The following LEO1 variants were observed in gnomAD, a reference collection of about 807,000 sequenced individuals.
LEO1 encodes the protein LEO1 component of Paf1/RNA polymerase II complex, also known as RNA polymerase-associated protein LEO1.
LEO1 carries 34 observed loss-of-function variants against 80.4 expected under a neutral mutation model. The observed-to-expected ratio is 0.42, with a 90% CI of 0.32 to 0.56. The LOEUF is 0.56. Among genes scored for constraint, LEO1 ranks in the 20% least tolerant of loss-of-function variants. LEO1 has a pLI of 0.10. For missense variants in LEO1, 631 were observed against 814.2 expected, an observed-to-expected ratio of 0.77 and a Z score of 2.74; for synonymous variants, 262 against 274.9, an observed-to-expected ratio of 0.95 and a Z score of 0.46.
chr15:51,964,943 T>G lies in LEO1; in HGVS notation c.814+806A>C, dbSNP rs527408677. ...ATAAAAGCAGGTCCAGGAACCAAAG[T>G]TCAGGTGTATGCCTCCTGTAGTCTT... On this transcript the variant is annotated intron_variant, in intron 2 of 11. Coordinates refer to ENST00000299601, the MANE Select transcript of LEO1 (RefSeq NM_138792.4). Among the ~76,000 whole-genome samples, 5 of 152,176 alleles carry G rather than the reference T, an allele frequency of 3.3e-5. No homozygotes were observed. The South Asian group carries it at 8.3e-4, about 25-fold the overall frequency.
chr15:51,960,155 T>TAA, intron 4 of LEO1, 111 bp from the exon 5 acceptor site: 1 of 871,826 alleles, frequency 1.1e-6, no homozygotes, highest in Non-Finnish European at 1.7e-6. Flanking sequence ...GATATCACTT[T>TAA]AGGACTAAAG....
intron 2 of LEO1, among the ~76,000 whole-genome samples, chr15:51,964,321 G>T (rs1402464182): frequency 6.6e-6 from 1 of 151,956 alleles, no homozygotes; most frequent in East Asian, 1.9e-4. Context: ...AACACCGCAT[G>T]TTCTCACTCA....
At chr15:51,971,550 C>T (rs1361114167) in intron 1 of LEO1, 138 bp downstream of exon 1, 1 of 812,264 alleles carries the variant, frequency 1.2e-6, no homozygotes, top group Admixed American at 2.0e-5. Flanking sequence ...GATGGCACCT[C>T]CGGGAGTGCA....
intron 11 of LEO1, among the ~76,000 whole-genome samples, chr15:51,945,262 C>CAAAAAAAAAAAAAAAAAAAAAAAA (rs71130110): frequency 3.9e-4 from 31 of 80,318 alleles, no homozygotes; most frequent in Middle Eastern, 8.1e-3. Flanking sequence ...ACAAAAAATA[C>CAAAAAAAAAAAAAAAAAAAAAAAA]AAAAAAAAAA....
In LEO1 at chr15:51,966,014, CTCA is replaced by C; in HGVS notation, c.546_548del (p.Asp182del). On this transcript the variant is annotated inframe_deletion, in exon 2 of 12. Transcript: ENST00000299601. ...CCTCATCATCTGTGTTCTGCATTTT[CTCA>C]TCATCGTCAGAATTCTGCAGCTTAT... 6.2e-7 allele frequency: 1 copy of C among 1,614,116 alleles called. No homozygotes were observed. The highest frequency in any genetic ancestry group is 8.5e-7 in the Non-Finnish European group (1 of 1,180,002).
intron 10 of LEO1, among the ~76,000 whole-genome samples, chr15:51,949,347 C>T (rs997055933): frequency 8.5e-5 from 13 of 152,154 alleles, no homozygotes; most frequent in African/African-American, 3.1e-4. Flanking sequence ...AACAGCAGTT[C>T]CTACCTTTCA....
At chr15:51,963,897 CAA>C (rs1217618326) in intron 2 of LEO1, among the ~76,000 whole-genome samples, 23 of 57,510 alleles carry the variant, frequency 4.0e-4, no homozygotes, top group African/African-American at 1.5e-3. Flanking sequence ...GACTCTGTCT[CAA>C]AAAAAAAAAA....
chr15:51,971,208 G>C (rs1432368811), intron 1 of LEO1, among the ~76,000 whole-genome samples: 1 of 152,026 alleles, frequency 6.6e-6, no homozygotes, highest in Non-Finnish European at 1.5e-5. Flanking sequence ...TCCCAGACTC[G>C]TCATCCAGAC....
intron 9 of LEO1, among the ~76,000 whole-genome samples, chr15:51,951,079 G>A (rs2056944917): frequency 6.6e-6 from 1 of 152,214 alleles, no homozygotes; most frequent in Non-Finnish European, 1.5e-5. Flanking sequence ...CAAACCTTCA[G>A]CAGAGCCTGA....
In LEO1 at chr15:51,938,111, A is replaced by G. The variant is rs1285370041; in HGVS notation, c.*45T>C. 4 of 964,756 alleles carry G rather than the reference A, an allele frequency of 4.1e-6. No individual in the cohort carries two copies. The highest frequency in any genetic ancestry group is 6.3e-6 in the Non-Finnish European group (4 of 630,510). 59.8% of individuals were successfully genotyped at this position (964,756 alleles called of 1,614,324 possible). ...CAAAATAACTCATGTTTACATATTT[A>G]TAACTGTACAATAAAATATATAAAA... On this transcript the variant is annotated 3_prime_UTR_variant, in exon 12 of 12. Coordinates refer to ENST00000299601, the MANE Select transcript of LEO1 (RefSeq NM_138792.4).
chr15:51,968,639 G>A (rs2057097502), intron 1 of LEO1, among the ~76,000 whole-genome samples: 1 of 152,112 alleles, frequency 6.6e-6, no homozygotes, highest in South Asian at 2.1e-4. Context: ...GAACAGCCTG[G>A]CCAATATGGT....
intron 3 of LEO1, 74 bp downstream of exon 3, chr15:51,962,315 G>T: frequency 1.0e-6 from 1 of 965,210 alleles, no homozygotes; most frequent in Non-Finnish European, 1.5e-6. Flanking sequence ...AACACACTCA[G>T]GGTTAGAAAT....
chr15:51,940,894 T>TA (rs1322272142), intron 11 of LEO1, among the ~76,000 whole-genome samples: 1 of 151,944 alleles, frequency 6.6e-6, no homozygotes, highest in Non-Finnish European at 1.5e-5. Context: ...GGTCAGGAGT[T>TA]AGAGACCTGC....
intron 11 of LEO1, among the ~76,000 whole-genome samples, chr15:51,946,472 C>G (rs2056902443): frequency 6.6e-6 from 1 of 152,150 alleles, no homozygotes; most frequent in Non-Finnish European, 1.5e-5. Flanking sequence ...CTGGGATTAA[C>G]AGCCATGAGC....
At chr15:51,958,942 A>T (rs2057009756) in intron 5 of LEO1, 116 bp from the exon 6 acceptor site, 3 of 535,964 alleles carry the variant, frequency 5.6e-6, no homozygotes, top group African/African-American at 2.0e-5. Context: ...ATATAATTTT[A>T]AAAATCATAA....
chr15:51,952,106 A>G (rs1422894560), intron 8 of LEO1, 127 bp from the exon 9 acceptor site: 2 of 691,260 alleles, frequency 2.9e-6, no homozygotes, highest in Non-Finnish European at 4.7e-6. Flanking sequence ...AGGCAGAGAC[A>G]CTCGACTGAA....
chr15:51,944,937 G>A (rs1057057373), intron 11 of LEO1, among the ~76,000 whole-genome samples: 1 of 152,082 alleles, frequency 6.6e-6, no homozygotes, highest in African/African-American at 2.4e-5. Flanking sequence ...AGACTCCAAA[G>A]CCTCTACTCT....
At chr15:51,941,132 CAG>C (rs2056848850) in intron 11 of LEO1, among the ~76,000 whole-genome samples, 1 of 152,054 alleles carries the variant, frequency 6.6e-6, no homozygotes, top group Non-Finnish European at 1.5e-5. Context: ...AGCCATCACA[CAG>C]AGCAAAGGTA....
Position 51,962,405 on chromosome 15 carries a change from G to A in LEO1, c.903C>T (p.Asp301=), listed in dbSNP as rs748425078. The change falls in exon 3 of 12, where the codon GAC becomes GAT. Residue 301 remains aspartate, a synonymous_variant. Transcript: ENST00000299601. The part of the protein sequence containing the change: ...AIASDSEADS[D]TEVPKDNSGT... ...TAGGGATACCTTTTGGCACCTCAGT[G>A]TCACTATCCGCTTCTGAATCAGATG... The A allele has an allele frequency of 1.2e-6, 2 of 1,611,248 alleles. No homozygotes were observed. The highest frequency in any genetic ancestry group is 1.7e-6 in the Non-Finnish European group (2 of 1,177,944).
Sources: allele counts gnomAD v4.1 joint callset (sites outside exome capture counted in the v4.1 genomes callset), GRCh38; gene constraint gnomAD v4.1.1; transcripts MANE v1.5; gene names NCBI Gene and HGNC (gene_info 2026-07-23, HGNC 2026-07-21).